The following DIAPH2 variants were observed in gnomAD, a reference collection of about 807,000 sequenced individuals.
The protein encoded by DIAPH2 is protein diaphanous homolog 2.
In DIAPH2, 35 loss-of-function variants were observed where a neutral mutation model predicts 92.7. The observed-to-expected ratio is 0.38, with a 90% CI of 0.29 to 0.50. The LOEUF (loss-of-function observed/expected upper bound fraction) is 0.50, where lower values mean the gene tolerates loss of function less well. Among genes scored for constraint, DIAPH2 ranks in the 20% least tolerant of loss-of-function variants. The pLI, the probability that DIAPH2 is intolerant of heterozygous loss-of-function variation, is 0.94. For missense variants in DIAPH2, 701 were observed against 819.5 expected, an observed-to-expected ratio of 0.86 and a Z score of 1.77; for synonymous variants, 301 against 280.4, an observed-to-expected ratio of 1.07 and a Z score of -0.73.
intron 4 of DIAPH2, among the ~76,000 whole-genome samples, chrX:96,851,466 A>AC (rs1006853824): frequency 1.4e-4 from 16 of 110,722 alleles, no homozygotes; most frequent in African/African-American, 4.3e-4. Flanking sequence ...TTCCAGAACC[A>AC]CCCCCCCTTG....
intron 25 of DIAPH2, among the ~76,000 whole-genome samples, chrX:97,411,684 C>T (rs1375295056): frequency 9.0e-6 from 1 of 111,624 alleles, no homozygotes; most frequent in Admixed American, 9.5e-5. Context: ...CACACATAGG[C>T]TCAAAATAAA....
intron 1 of DIAPH2, among the ~76,000 whole-genome samples, chrX:96,686,310 A>G (rs1333948231): frequency 1.8e-5 from 2 of 111,773 alleles, no homozygotes; most frequent in African/African-American, 3.3e-5. Flanking sequence ...TAAAAATTTA[A>G]GTAAAAAGTT....
chrX:97,392,901 A>G (rs1262563259), intron 25 of DIAPH2, among the ~76,000 whole-genome samples: 1 of 111,507 alleles, frequency 9.0e-6, no homozygotes, highest in Non-Finnish European at 1.9e-5. Flanking sequence ...AGTCCCTGAT[A>G]GTTAAATGTT....
intron 26 of DIAPH2, among the ~76,000 whole-genome samples, chrX:97,436,003 C>G (rs2070181982): frequency 9.1e-6 from 1 of 110,207 alleles, no homozygotes; most frequent in Non-Finnish European, 1.9e-5. Flanking sequence ...GGCGGGGTTT[C>G]ACCGTGTTAG....
At chrX:96,976,482 T>C (rs2065962778) in intron 17 of DIAPH2, among the ~76,000 whole-genome samples, 1 of 111,031 alleles carries the variant, frequency 9.0e-6, no homozygotes, top group African/African-American at 3.3e-5. Context: ...TAAATAATTG[T>C]TTTTGTATAT....
intron 22 of DIAPH2, among the ~76,000 whole-genome samples, chrX:97,216,177 A>G (rs954333971): frequency 3.6e-5 from 4 of 112,446 alleles, no homozygotes; most frequent in Admixed American, 2.8e-4. Context: ...TGAGGCCTCA[A>G]TTAATGAATC....
chrX:97,521,227 G>T (rs996343912), intron 26 of DIAPH2, among the ~76,000 whole-genome samples: 13 of 112,126 alleles, frequency 1.2e-4, no homozygotes, highest in African/African-American at 4.2e-4. Flanking sequence ...CGTCCCAGCT[G>T]CCAGAACTGT....
At chrX:97,531,129 C>A (rs193047511) in intron 26 of DIAPH2, among the ~76,000 whole-genome samples, 1 of 111,177 alleles carries the variant, frequency 9.0e-6, no homozygotes, top group East Asian at 2.8e-4. Flanking sequence ...TTATATACGA[C>A]TCTTTAATTT....
At chrX:97,222,067 G>A (rs1015371108) in intron 22 of DIAPH2, among the ~76,000 whole-genome samples, 4 of 111,141 alleles carry the variant, frequency 3.6e-5, no homozygotes, top group Non-Finnish European at 7.5e-5. Flanking sequence ...AAACTTCATC[G>A]TATTACACCA....
chrX:96,895,256 C>T (rs756336844), intron 5 of DIAPH2, among the ~76,000 whole-genome samples: 4 of 111,513 alleles, frequency 3.6e-5, no homozygotes, highest in East Asian at 2.8e-4. Flanking sequence ...CCACCTGCCT[C>T]GGCCTCCCAA....
chrX:96,745,026 G>C (rs1185429652), intron 3 of DIAPH2, among the ~76,000 whole-genome samples: 1 of 102,107 alleles, frequency 9.8e-6, no homozygotes. Context: ...TTTTTTTTGA[G>C]ATGGAGTTTT....
chrX:96,971,910 C>G (rs1416207814), intron 17 of DIAPH2, among the ~76,000 whole-genome samples: 1 of 111,808 alleles, frequency 8.9e-6, no homozygotes, highest in Non-Finnish European at 1.9e-5. Flanking sequence ...CACACAGTAA[C>G]TATTGATTGA....
intron 26 of DIAPH2, among the ~76,000 whole-genome samples, chrX:97,435,805 T>C (rs941316836): frequency 2.7e-5 from 3 of 109,332 alleles, no homozygotes; most frequent in Non-Finnish European, 3.8e-5. Flanking sequence ...TTTTTTTCTT[T>C]TTTTCCTTTT....
intron 25 of DIAPH2, among the ~76,000 whole-genome samples, chrX:97,391,941 G>A (rs2147740752): frequency 9.0e-6 from 1 of 111,614 alleles, no homozygotes; most frequent in Non-Finnish European, 1.9e-5. Flanking sequence ...AAAATACCAT[G>A]TACCAAGGCT....
At chrX:96,744,925 CT>C (rs1282321210) in intron 3 of DIAPH2, among the ~76,000 whole-genome samples, 3 of 109,538 alleles carry the variant, frequency 2.7e-5, no homozygotes, top group Non-Finnish European at 3.8e-5. Flanking sequence ...GCTTTTCTGA[CT>C]TTAGAGAACT....
intron 26 of DIAPH2, chrX:97,528,902 A>T (rs1423671138): frequency 9.1e-6 from 1 of 110,463 alleles, no homozygotes; most frequent in Non-Finnish European, 1.9e-5. Context: ...GTGAAACCCC[A>T]TCTCTACAAA....
chrX:96,927,672 G>A (rs1336389048), intron 9 of DIAPH2, among the ~76,000 whole-genome samples: 2 of 111,128 alleles, frequency 1.8e-5, no homozygotes, highest in African/African-American at 3.3e-5. Flanking sequence ...ATATAGAATA[G>A]CACAGTACTG....
Position 97,482,086 on chromosome X carries a change from C to T in DIAPH2, c.3241+52341C>T, listed in dbSNP as rs138521959. On this transcript the variant is annotated intron_variant, in intron 26 of 26. Coordinates refer to ENST00000324765, the MANE Select transcript of DIAPH2 (RefSeq NM_006729.5). ...ATTGCTGTCAGCTTGAGAAAAGAAA[C>T]GTAAAGCACTAAGTATACTAGAAAT... Among the ~76,000 whole-genome samples the T allele has an allele frequency of 5.7e-3, 636 of 111,816 alleles. 2 individuals are homozygous for T. Among genetic ancestry groups the T allele is most frequent in the African/African-American group, 0.02 (606 of 30,850 alleles).
intron 15 of DIAPH2, among the ~76,000 whole-genome samples, chrX:96,951,011 G>C (rs2065771392): frequency 8.9e-6 from 1 of 111,759 alleles, no homozygotes; most frequent in Admixed American, 9.5e-5. Context: ...AATAAATTGA[G>C]TACGCATGAA....
Sources: gnomAD v4.1 joint callset for allele counts (sites outside exome capture counted in the v4.1 genomes callset) on GRCh38, gnomAD v4.1.1 for gene constraint, MANE v1.5 for transcripts, NCBI Gene and HGNC (gene_info 2026-07-23, HGNC 2026-07-21) for gene names.